The following SNX25 variants were observed in gnomAD, a reference collection of about 807,000 sequenced individuals.
SNX25 encodes the protein sorting nexin 25.
In SNX25, 62 loss-of-function variants were observed where a neutral mutation model predicts 113.7. That is an observed-to-expected ratio of 0.55 (90% CI 0.44 to 0.67). The LOEUF (loss-of-function observed/expected upper bound fraction) is 0.67. Among genes scored for constraint, SNX25 ranks in the 30% least tolerant of loss-of-function variants. The pLI, the probability that SNX25 is intolerant of heterozygous loss-of-function variation, is 0.00. For synonymous variants in SNX25, 421 were observed against 436.2 expected (o/e 0.97, Z 0.43); for missense variants, 1,014 against 1,161.0 (o/e 0.87, Z 1.84).
chr4:185,354,131 T>A (rs2095328900), intron 15 of SNX25, among the ~76,000 whole-genome samples: 1 of 152,158 alleles, frequency 6.6e-6, no homozygotes, highest in Non-Finnish European at 1.5e-5. Context: ...TAACATAGCG[T>A]CCTGATTTAC....
intron 10 of SNX25, 79 bp downstream of exon 10, chr4:185,332,838 G>A (rs2126707828): frequency 7.2e-7 from 1 of 1,389,896 alleles, no homozygotes; most frequent in Non-Finnish European, 9.8e-7. Context: ...GTTGAGAAGT[G>A]TCAGTTTCTT....
At chr4:185,218,943 A>G (rs1739336910) in intron 1 of SNX25, among the ~76,000 whole-genome samples, 1 of 152,032 alleles carries the variant, frequency 6.6e-6, no homozygotes, top group Non-Finnish European at 1.5e-5. Flanking sequence ...CTCTTGCAGT[A>G]CTCCTACCTT....
At chr4:185,261,112 C>CTGTGTG in intron 3 of SNX25, among the ~76,000 whole-genome samples, 1 of 114,516 alleles carries the variant, frequency 8.7e-6, no homozygotes, top group South Asian at 3.2e-4. Flanking sequence ...GTCTGTCTGT[C>CTGTGTG]TCTGTGTGTG....
At chr4:185,212,491 G>GTTTCTGTTTTTTTT (rs1553980597) in intron 1 of SNX25, among the ~76,000 whole-genome samples, 4 of 104,942 alleles carry the variant, frequency 3.8e-5, no homozygotes, top group African/African-American at 1.5e-4. Context: ...GTGTGTGTGT[G>GTTTCTGTTTTTTTT]TTTTTTTTTT....
At chr4:185,278,498 G>GGAATGAAT (rs10550763) in intron 5 of SNX25, among the ~76,000 whole-genome samples, 4 of 151,768 alleles carry the variant, frequency 2.6e-5, no homozygotes, top group Non-Finnish European at 5.9e-5. Context: ...AATGACGCAT[G>GGAATGAAT]GAATGAATGA....
At chr4:185,211,421 T>G (rs1467386374) in intron 1 of SNX25, among the ~76,000 whole-genome samples, 2 of 152,328 alleles carry the variant, frequency 1.3e-5, no homozygotes, top group African/African-American at 4.8e-5. Flanking sequence ...AGCCATCCGT[T>G]TTTCATATCT....
At chr4:185,354,534 C>T (rs1187396504) in intron 15 of SNX25, among the ~76,000 whole-genome samples, 3 of 152,172 alleles carry the variant, frequency 2.0e-5, no homozygotes, top group Non-Finnish European at 4.4e-5. Flanking sequence ...CAGAGTTGTC[C>T]TGCCCCCAAT....
downstream of SNX25, among the ~76,000 whole-genome samples, chr4:185,372,140 G>A (rs2095418275): frequency 6.6e-6 from 1 of 152,154 alleles, no homozygotes; most frequent in South Asian, 2.1e-4. Context: ...GTATTTCAGT[G>A]GTGCAGTTAT....
chr4:185,214,637 T>C, intron 1 of SNX25, among the ~76,000 whole-genome samples: 1 of 152,158 alleles, frequency 6.6e-6, no homozygotes, highest in Non-Finnish European at 1.5e-5. Context: ...GCCACTGCCA[T>C]GTGAAGAAAG....
downstream of SNX25, chr4:185,366,407 C>T (rs2095388224): frequency 6.6e-6 from 1 of 152,160 alleles, no homozygotes; most frequent in African/African-American, 2.4e-5. Flanking sequence ...TGTTTTATTA[C>T]ACATTCTGCA....
intron 6 of SNX25, among the ~76,000 whole-genome samples, chr4:185,289,859 G>C (rs1421831665): frequency 6.6e-6 from 1 of 152,026 alleles, no homozygotes; most frequent in Non-Finnish European, 1.5e-5. Context: ...AGTTTGCTAG[G>C]GCTACCATTA....
chr4:185,371,848 C>G (rs139605265), downstream of SNX25, among the ~76,000 whole-genome samples: 3 of 152,258 alleles, frequency 2.0e-5, no homozygotes, highest in Non-Finnish European at 4.4e-5. Context: ...CCTTCATCCT[C>G]TCTTGTAGAT....
At position 185,209,631 on chromosome 4, in the gene SNX25, C is replaced by CGGCCCGGCAGCTACG. The variant is rs1737402361; in HGVS notation, c.-190_-176dup. ...CACGGTGGGGCTCCCTGGCTGCGCC[C>CGGCCCGGCAGCTACG]GGCCCGGCAGCTACGGGCCCAGCGC... On this transcript the variant is annotated 5_prime_UTR_variant, in exon 1 of 19. Transcript: ENST00000652585. This position sits in a 1 kb window ranked among gnomAD's most constrained non-coding sequence, Gnocchi z 5.2. 4.8e-6 allele frequency: 3 copies of CGGCCCGGCAGCTACG among 621,430 alleles called. No individual in the cohort carries two copies. 38.5% of individuals were successfully genotyped at this position (621,430 alleles called of 1,614,324 possible). A position where few individuals can be genotyped will look rare whatever the true frequency, so the allele number is the denominator to read the frequency against.
downstream of SNX25, chr4:185,372,962 A>C (rs1417571570): frequency 6.2e-6 from 10 of 1,614,002 alleles, no homozygotes; most frequent in Non-Finnish European, 8.5e-6. Context: ...TCTCTTAAGC[A>C]CTGCAGGGCA....
chr4:185,221,278 C>T (rs1739798373), intron 1 of SNX25, among the ~76,000 whole-genome samples: 1 of 152,128 alleles, frequency 6.6e-6, no homozygotes, highest in South Asian at 2.1e-4. Flanking sequence ...AGCCATTAAT[C>T]TGCTTTGGCC....
At position 185,210,331 on chromosome 4, in the gene SNX25, C is replaced by G. The variant is rs1344154373; in HGVS notation, c.429+76C>G. ...GGTGCCAGCTCCCGCGCCCCGAGCTCCGGGGGGCCGCGGCATGCCCTTGTC... is the reference window on the plus strand; with the variant it reads ...GGTGCCAGCTCCCGCGCCCCGAGCTGCGGGGGGCCGCGGCATGCCCTTGTC... On this transcript the variant is annotated intron_variant, in intron 1 of 18. Coordinates refer to ENST00000652585, the MANE Select transcript of SNX25 (RefSeq NM_001378034.2). This position sits in a 1 kb window ranked among gnomAD's most constrained non-coding sequence, Gnocchi z 4.4. 1 of 984,428 alleles carries G rather than the reference C, an allele frequency of 1.0e-6. No homozygotes were observed. Among genetic ancestry groups the G allele is most frequent in the Non-Finnish European group, 1.2e-6 (1 of 829,680 alleles). 61.0% of individuals were successfully genotyped at this position (984,428 alleles called of 1,614,324 possible).
At chr4:185,309,254 G>T (rs914451628) in intron 6 of SNX25, among the ~76,000 whole-genome samples, 2 of 152,178 alleles carry the variant, frequency 1.3e-5, no homozygotes, top group Non-Finnish European at 2.9e-5. Flanking sequence ...GGGCAGGTGA[G>T]CCACTTACAT....
At chr4:185,353,456 T>C (rs1157865274) in intron 14 of SNX25, 29 bp from the exon 15 acceptor site, 1 of 1,555,712 alleles carries the variant, frequency 6.4e-7, no homozygotes, top group African/African-American at 1.4e-5. Flanking sequence ...ATAAGTTATC[T>C]GCTTCCTATG....
chr4:185,236,418 A>C (rs1187685751), intron 1 of SNX25, among the ~76,000 whole-genome samples: 1 of 152,196 alleles, frequency 6.6e-6, no homozygotes, highest in Non-Finnish European at 1.5e-5. Context: ...GAGGCATTTA[A>C]TCTTTTGAAT....
Sources: allele counts gnomAD v4.1 joint callset (sites outside exome capture counted in the v4.1 genomes callset), GRCh38; gene constraint gnomAD v4.1.1; non-coding constraint Gnocchi (gnomAD v3.1); transcripts MANE v1.5; gene names NCBI Gene and HGNC (gene_info 2026-07-23, HGNC 2026-07-21).